SH3KBP1: variants seen among roughly 807,000 people sequenced by gnomAD.
SH3KBP1 encodes the protein SH3 domain-containing kinase-binding protein 1.
Under a neutral mutation model 50.1 loss-of-function variants are expected in SH3KBP1, and 8 were observed. The ratio of observed to expected loss-of-function variants is 0.16; its 90% CI spans 0.09 to 0.29. The LOEUF is 0.29. Ranked by LOEUF, SH3KBP1 falls within the 10% of genes least tolerant of loss-of-function variation. The pLI is 1.00. For synonymous variants in SH3KBP1, 227 were observed against 218.6 expected, an observed-to-expected ratio of 1.04 and a Z score of -0.34; for missense variants, 377 against 535.2, an observed-to-expected ratio of 0.70 and a Z score of 2.92.
At chrX:19,790,937 T>C (rs953592713) in intron 2 of SH3KBP1, among the ~76,000 whole-genome samples, 2 of 111,206 alleles carry the variant, frequency 1.8e-5, no homozygotes, top group African/African-American at 6.5e-5. Context: ...GAAAGTTGTC[T>C]ATCTGGGTAT....
intron 6 of SH3KBP1, among the ~76,000 whole-genome samples, chrX:19,683,176 G>T (rs1766030742): frequency 9.0e-6 from 1 of 111,473 alleles, no homozygotes; most frequent in South Asian, 3.7e-4. Context: ...AAGCGCGAGG[G>T]CTCTGGGTGT....
chrX:19,867,462 G>A (rs1284499920), intron 1 of SH3KBP1, among the ~76,000 whole-genome samples: 1 of 112,361 alleles, frequency 8.9e-6, no homozygotes, highest in Non-Finnish European at 1.9e-5. Flanking sequence ...AATTGGTGGT[G>A]TCTTCCTGTT....
chrX:19,574,567 A>G (rs773894150), intron 12 of SH3KBP1, among the ~76,000 whole-genome samples: 5 of 112,525 alleles, frequency 4.4e-5, no homozygotes, highest in African/African-American at 1.6e-4. Flanking sequence ...CTGTGCCCTC[A>G]CGTGGTGGAA....
intron 13 of SH3KBP1, among the ~76,000 whole-genome samples, chrX:19,554,080 T>TATA (rs1555983139): frequency 1.7e-5 from 1 of 57,163 alleles, no homozygotes; most frequent in Non-Finnish European, 2.7e-5. Flanking sequence ...ATACATTATA[T>TATA]ATATTAAAAT....
intron 2 of SH3KBP1, among the ~76,000 whole-genome samples, chrX:19,803,406 C>T (rs985099109): frequency 9.9e-5 from 11 of 111,467 alleles, no homozygotes; most frequent in Non-Finnish European, 9.4e-5. Flanking sequence ...GACAAGGTCT[C>T]GCTATGTTGG....
chrX:19,830,719 G>A (rs1041443550), intron 2 of SH3KBP1, among the ~76,000 whole-genome samples: 5 of 110,100 alleles, frequency 4.5e-5, no homozygotes, highest in Non-Finnish European at 9.5e-5. Flanking sequence ...CCGTGATCAC[G>A]CCACTGCACT....
At chrX:19,811,091 C>T (rs1207738583) in intron 2 of SH3KBP1, among the ~76,000 whole-genome samples, 1 of 111,487 alleles carries the variant, frequency 9.0e-6, no homozygotes, top group Non-Finnish European at 1.9e-5. Flanking sequence ...TTTTAATAAG[C>T]AGATTGGCAA....
rs60032683 is a variant in SH3KBP1, at chrX:19,732,596, TACACACACACACACAC to T, written c.286+13706_286+13721del. Among the ~76,000 whole-genome samples the T allele has an allele frequency of 7.1e-3, 645 of 90,744 alleles. 8 individuals carry two copies. Among genetic ancestry groups the T allele is most frequent in the African/African-American group, 0.023 (577 of 24,719 alleles). 78.8% of individuals were successfully genotyped at this position (90,744 alleles called of 115,157 possible). A position where few individuals can be genotyped will look rare whatever the true frequency, so the allele number is the denominator to read the frequency against. On this transcript the variant is annotated intron_variant, in intron 3 of 17. Transcript: ENST00000397821. ...ATTCCTTAATTTGGATAAAAATCCC[TACACACACACACACAC>T]ACACACACACACACACACACACACA...
intron 2 of SH3KBP1, among the ~76,000 whole-genome samples, chrX:19,798,027 A>T (rs1417850200): frequency 9.0e-6 from 1 of 111,081 alleles, no homozygotes; most frequent in Admixed American, 9.6e-5. Flanking sequence ...GGTGTCCTAC[A>T]TGTACTTCTG....
At chrX:19,785,640 T>G (rs1016173127) in intron 2 of SH3KBP1, among the ~76,000 whole-genome samples, 2 of 111,873 alleles carry the variant, frequency 1.8e-5, no homozygotes, top group African/African-American at 6.5e-5. Context: ...CCATAAAACC[T>G]TATATTCTAA....
At chrX:19,735,152 T>A (rs1008769585) in intron 3 of SH3KBP1, among the ~76,000 whole-genome samples, 30 of 112,192 alleles carry the variant, frequency 2.7e-4, no homozygotes, top group African/African-American at 9.4e-4. Context: ...TTGGTAGTGA[T>A]GTTCGCGCTT....
At position 19,643,300 on chromosome X, in the gene SH3KBP1, ATTTTTTATTTTTTTTTTTTTTAT is replaced by A. The variant is rs1401095211; in HGVS notation, c.802+2077_802+2099del. Among the ~76,000 whole-genome samples, 23 of 86,891 alleles carry A rather than the reference ATTTTTTATTTTTTTTTTTTTTAT, an allele frequency of 2.6e-4. 1 individual carries two copies. Among genetic ancestry groups the A allele is most frequent in the African/African-American group, 1.1e-3 (19 of 17,422 alleles). 75.5% of individuals were successfully genotyped at this position (86,891 alleles called of 115,157 possible). ...AGTGTGTGTGGGCTGAAACTGAAGA[ATTTTTTATTTTTTTTTTTTTTAT>A]TTTTTTTTTTTTTTGAGACAGGGTC... On this transcript the variant is annotated intron_variant, in intron 7 of 17. Transcript: ENST00000397821.
At chrX:19,638,097 A>C (rs1414026878) in intron 7 of SH3KBP1, among the ~76,000 whole-genome samples, 21 of 104,546 alleles carry the variant, frequency 2.0e-4, no homozygotes, top group African/African-American at 2.5e-4. Context: ...CAAAACAAAA[A>C]AAAACAAACA....
chrX:19,587,331 G>A (rs1399451487), intron 12 of SH3KBP1, among the ~76,000 whole-genome samples: 1 of 110,971 alleles, frequency 9.0e-6, no homozygotes, highest in Non-Finnish European at 1.9e-5. Context: ...GCCAGGGGCT[G>A]GGAGAGGGGG....
At chrX:19,723,673 G>C (rs1379025877) in intron 3 of SH3KBP1, among the ~76,000 whole-genome samples, 2 of 112,253 alleles carry the variant, frequency 1.8e-5, no homozygotes, top group Non-Finnish European at 3.8e-5. Flanking sequence ...ACCATGACTT[G>C]ACTCTGTTAA....
intron 5 of SH3KBP1, among the ~76,000 whole-genome samples, chrX:19,689,392 A>C (rs1190875832): frequency 8.9e-6 from 1 of 112,282 alleles, no homozygotes; most frequent in Non-Finnish European, 1.9e-5. Context: ...AGGAAGTGTA[A>C]GATTTTTTTT....
Position 19,749,647 on chromosome X carries a change from C to T in SH3KBP1, c.163-3206G>A, listed in dbSNP as rs181046603. ...AGATAGAAAGTAGATTAGAGGTTAC[C>T]TGAAAGGTTGGGAGAGGCAGAATGG... is the stretch of plus-strand genomic sequence containing the variant. On this transcript the variant is annotated intron_variant, in intron 2 of 17. Transcript: ENST00000397821. Among the ~76,000 whole-genome samples, 442 of 112,200 alleles carry T rather than the reference C, an allele frequency of 3.9e-3. 1 individual carries two copies. Among genetic ancestry groups the T allele is most frequent in the Non-Finnish European group, 4.5e-3 (240 of 53,175 alleles).
chrX:19,832,226 G>A (rs886277083), intron 2 of SH3KBP1, among the ~76,000 whole-genome samples: 2 of 111,845 alleles, frequency 1.8e-5, no homozygotes, highest in African/African-American at 6.5e-5. Context: ...GAGGACACCT[G>A]AGCAGGTGAG....
intron 3 of SH3KBP1, among the ~76,000 whole-genome samples, chrX:19,722,531 G>GGT (rs59121045): frequency 0.038 from 3,803 of 100,977 alleles, 70 homozygotes; most frequent in African/African-American, 0.048. Flanking sequence ...CAGCTGCACT[G>GGT]GTGTGTGTGT....
Sources: gnomAD v4.1 joint callset for allele counts (sites outside exome capture counted in the v4.1 genomes callset) on GRCh38, gnomAD v4.1.1 for gene constraint, MANE v1.5 for transcripts, NCBI Gene and HGNC (gene_info 2026-07-23, HGNC 2026-07-21) for gene names.